Variants in ATXN1 observed in about 807,000 individuals in gnomAD.
ATXN1 encodes the protein ataxin-1.
Under a neutral mutation model 56.4 loss-of-function variants are expected in ATXN1, and 8 were observed. That is an observed-to-expected ratio of 0.14 (90% CI 0.08 to 0.26). The LOEUF (loss-of-function observed/expected upper bound fraction) is 0.26, where lower values mean the gene tolerates loss of function less well. Ranked by LOEUF, ATXN1 falls within the 10% of genes least tolerant of loss-of-function variation. The probability of loss-of-function intolerance (pLI) is 1.00; values close to 1 mark genes in which losing one functional copy is unlikely to be tolerated. For missense variants in ATXN1, 987 were observed against 1,106.5 expected (o/e 0.89, Z 1.53); for synonymous variants, 514 against 494.6 (o/e 1.04, Z -0.52).
chr6:16,454,976 C>A lies in ATXN1; in HGVS notation c.-161+30996G>T, dbSNP rs141014408. Among the ~76,000 whole-genome samples, 474 of 152,212 alleles carry A rather than the reference C, an allele frequency of 3.1e-3. 5 individuals are homozygous for A. The highest frequency in any genetic ancestry group is 9.9e-3 in the African/African-American group (413 of 41,526). On this transcript the variant is annotated intron_variant, in intron 6 of 7. Transcript: ENST00000436367. The stretch of plus-strand genomic sequence containing the variant: ...CAGGGGGACTCAGCAGTGACCACCA[C>A]TGTTATGTATGGAAAGGAGTAAAGG...
At chr6:16,686,550 A>G (rs1249051131) in intron 2 of ATXN1, among the ~76,000 whole-genome samples, 3 of 152,210 alleles carry the variant, frequency 2.0e-5, no homozygotes, top group Non-Finnish European at 4.4e-5. Context: ...TACTTAGGAC[A>G]TGCGGATGTC....
intron 4 of ATXN1, among the ~76,000 whole-genome samples, chr6:16,576,776 AT>A (rs1762429430): frequency 1.3e-5 from 2 of 152,230 alleles, no homozygotes. Context: ...ATAAGCTCTT[AT>A]GCACACAGAG....
At chr6:16,390,740 G>A (rs544134451) in intron 6 of ATXN1, among the ~76,000 whole-genome samples, 1 of 151,844 alleles carries the variant, frequency 6.6e-6, no homozygotes, top group African/African-American at 2.4e-5. Flanking sequence ...TGGAACAGCA[G>A]AGAGTACACC....
At chr6:16,530,279 G>A (rs948691225) in intron 4 of ATXN1, among the ~76,000 whole-genome samples, 9 of 152,096 alleles carry the variant, frequency 5.9e-5, no homozygotes, top group East Asian at 5.8e-4. Flanking sequence ...TAAAATCAAC[G>A]TAGGTTGTAG....
In ATXN1 at chr6:16,506,547, G is replaced by A. The variant is rs1309701435; in HGVS notation, c.-299+16080C>T. Among the ~76,000 whole-genome samples, 1 of 152,000 alleles carries A rather than the reference G, an allele frequency of 6.6e-6. No homozygotes were observed. Among genetic ancestry groups the A allele is most frequent in the Non-Finnish European group, 1.5e-5 (1 of 68,012 alleles). Reference sequence around the variant, plus strand: ...GGTGGCCAGGATATTGAAATTCTCTGGAAAACACAGAATCCATTTACATGA... The same window carrying A: ...GGTGGCCAGGATATTGAAATTCTCTAGAAAACACAGAATCCATTTACATGA... On this transcript the variant is annotated intron_variant, in intron 5 of 7. Transcript: ENST00000436367. This position sits in a 1 kb window ranked among gnomAD's most constrained non-coding sequence, Gnocchi z 4.1.
intron 6 of ATXN1, among the ~76,000 whole-genome samples, chr6:16,339,276 C>A (rs150266724): frequency 6.6e-6 from 1 of 152,202 alleles, no homozygotes; most frequent in Non-Finnish European, 1.5e-5. Context: ...CAACAGAGAA[C>A]ATAAAACTCT....
chr6:16,553,712 A>G (rs1399006342), intron 4 of ATXN1, among the ~76,000 whole-genome samples: 1 of 152,166 alleles, frequency 6.6e-6, no homozygotes, highest in Non-Finnish European at 1.5e-5. Flanking sequence ...CTGTTACCGC[A>G]TGGGCCCTCA....
intron 6 of ATXN1, among the ~76,000 whole-genome samples, chr6:16,338,870 A>C (rs2113436058): frequency 6.6e-6 from 1 of 152,224 alleles, no homozygotes; most frequent in African/African-American, 2.4e-5. Context: ...GATAGGTGGG[A>C]TAATATTTAT....
At chr6:16,635,818 G>T (rs1763585653) in intron 3 of ATXN1, among the ~76,000 whole-genome samples, 2 of 152,338 alleles carry the variant, frequency 1.3e-5, no homozygotes, top group South Asian at 2.1e-4. Flanking sequence ...GGCTGAGCAG[G>T]TGTGGGCTGG....
At chr6:16,538,090 AT>A (rs1761640018) in intron 4 of ATXN1, among the ~76,000 whole-genome samples, 1 of 152,202 alleles carries the variant, frequency 6.6e-6, no homozygotes, top group Non-Finnish European at 1.5e-5. Flanking sequence ...TAATAATTAA[AT>A]TCCTTCCACC....
chr6:16,603,607 C>T (rs919105719), intron 3 of ATXN1, among the ~76,000 whole-genome samples: 5 of 152,208 alleles, frequency 3.3e-5, no homozygotes, highest in Non-Finnish European at 5.9e-5. Context: ...ACTTAGGCCT[C>T]ATTTGGAGGT....
At chr6:16,375,123 T>G (rs1027879945) in intron 6 of ATXN1, among the ~76,000 whole-genome samples, 1 of 152,156 alleles carries the variant, frequency 6.6e-6, no homozygotes, top group Non-Finnish European at 1.5e-5. Flanking sequence ...TTCTGCCCTC[T>G]CCCAGCAAAG....
In ATXN1 at chr6:16,327,446, C is replaced by T. The variant is rs1377613022; in HGVS notation, c.865G>A (p.Val289Ile). 6.2e-7 allele frequency: 1 copy of T among 1,613,536 alleles called. No homozygotes were observed. The highest frequency in any genetic ancestry group is 8.5e-7 in the Non-Finnish European group (1 of 1,179,986). The change falls in exon 7 of 8, where the codon GTC (valine) becomes ATC (isoleucine). Residue 289 changes from valine (V) to isoleucine (I), a missense_variant. Val to Ile is a conservative substitution (Grantham distance 29, BLOSUM62 3). This residue lies in a region of ATXN1 where 723 missense variants were observed against 791.7 expected (regional missense o/e 0.91). Transcript: ENST00000436367. ...CCGGAGTCGGCGTATTGCATGACGA[C>T]CTGGGAGGGGGGCCCCAGGGTGAGC... is the stretch of plus-strand genomic sequence containing the variant. ...HTLTLGPPSQ[V>I]VMQYADSGSH...
chr6:16,411,715 A>C (rs1312958299), intron 6 of ATXN1, among the ~76,000 whole-genome samples: 1 of 152,240 alleles, frequency 6.6e-6, no homozygotes, highest in East Asian at 1.9e-4. Context: ...ATGTCACCGT[A>C]GTATGGATGT....
At chr6:16,312,793 C>T (rs1313295062) in intron 7 of ATXN1, among the ~76,000 whole-genome samples, 2 of 152,148 alleles carry the variant, frequency 1.3e-5, no homozygotes, top group Non-Finnish European at 2.9e-5. Context: ...TCAGTCTCCT[C>T]GATACTAACC....
At chr6:16,560,521 G>T (rs149967337) in intron 4 of ATXN1, among the ~76,000 whole-genome samples, 488 of 152,208 alleles carry the variant, frequency 3.2e-3, no homozygotes, top group Middle Eastern at 6.8e-3. Context: ...TGTTCTAAAG[G>T]GGGCAGGGGT....
At chr6:16,358,524 A>G (rs546403544) in intron 6 of ATXN1, among the ~76,000 whole-genome samples, 4 of 152,384 alleles carry the variant, frequency 2.6e-5, no homozygotes, top group East Asian at 1.9e-4. Flanking sequence ...ACTGGATACC[A>G]TTATTCTAAG....
chr6:16,611,122 A>C (rs1277568476), intron 3 of ATXN1, among the ~76,000 whole-genome samples: 3 of 152,244 alleles, frequency 2.0e-5, no homozygotes, highest in Admixed American at 2.0e-4. Flanking sequence ...ATCCTTATTA[A>C]GAAAAGTTAC....
intron 2 of ATXN1, among the ~76,000 whole-genome samples, chr6:16,689,057 GTA>G (rs200646270): frequency 1.2e-4 from 18 of 151,600 alleles, no homozygotes; most frequent in Admixed American, 3.9e-4. Context: ...CTGTGTGTGT[GTA>G]TGTGTGTGTG....
Sources: gnomAD v4.1 joint callset for allele counts (sites outside exome capture counted in the v4.1 genomes callset) on GRCh38, gnomAD v4.1.1 for gene constraint, gnomAD v4.1.1 regional missense constraint, Gnocchi (gnomAD v3.1) non-coding constraint, MANE v1.5 for transcripts, NCBI Gene and HGNC (gene_info 2026-07-23, HGNC 2026-07-21) for gene names.